KCNIP4: variants seen among roughly 807,000 people sequenced by gnomAD.
KCNIP4 encodes the protein potassium voltage-gated channel interacting protein 4, also known as Kv channel-interacting protein 4.
In KCNIP4, 12 loss-of-function variants were observed where a neutral mutation model predicts 34.0. The observed-to-expected ratio is 0.35, with a 90% CI of 0.23 to 0.57. KCNIP4 has a LOEUF of 0.57. KCNIP4 is among the 20% of genes least tolerant of loss of function. The pLI is 0.83. For missense variants in KCNIP4, 238 were observed against 311.7 expected (o/e 0.76, Z 1.78); for synonymous variants, 124 against 102.2 (o/e 1.21, Z -1.29).
intron 1 of KCNIP4, among the ~76,000 whole-genome samples, chr4:21,111,116 A>G (rs1749127305): frequency 6.6e-6 from 1 of 152,170 alleles, no homozygotes; most frequent in African/African-American, 2.4e-5. Context: ...GAAGTTTGAG[A>G]AATATTGAAT....
chr4:20,876,052 A>G (rs980110828), intron 2 of KCNIP4, among the ~76,000 whole-genome samples: 4 of 152,190 alleles, frequency 2.6e-5, no homozygotes, highest in Non-Finnish European at 5.9e-5. Flanking sequence ...CTGCTCAAAT[A>G]AAAAACAAAA....
At chr4:21,316,628 A>C (rs1020181022) in intron 1 of KCNIP4, 1 of 152,154 alleles carries the variant, frequency 6.6e-6, no homozygotes, top group Admixed American at 6.5e-5. Context: ...GGTTGGCACT[A>C]ATGTGTGAAG....
At chr4:20,926,094 A>G (rs897331869) in intron 1 of KCNIP4, among the ~76,000 whole-genome samples, 6 of 152,214 alleles carry the variant, frequency 3.9e-5, no homozygotes, top group African/African-American at 1.2e-4. Flanking sequence ...TTTTATACAC[A>G]GCAAATTACC....
chr4:21,118,024 C>G (rs1400947785), intron 1 of KCNIP4, among the ~76,000 whole-genome samples: 3 of 152,080 alleles, frequency 2.0e-5, no homozygotes, highest in Non-Finnish European at 2.9e-5. Context: ...AGTTAATAAC[C>G]TGGGGTGGGT....
At position 21,363,993 on chromosome 4, in the gene KCNIP4, G is replaced by A. The variant is rs961726886; in HGVS notation, c.62-481284C>T. On this transcript the variant is annotated intron_variant, in intron 1 of 8. Coordinates refer to ENST00000382152, the MANE Select transcript of KCNIP4 (RefSeq NM_025221.6). ...ATGAGTGTTTGGGTTTTGGTGGCTG[G>A]AAGGATGGAATGGAGCTAAGCTTAT... Among the ~76,000 whole-genome samples, 5 of 152,212 alleles carry A rather than the reference G, an allele frequency of 3.3e-5. No individual in the cohort carries two copies. In the East Asian group the frequency reaches 7.7e-4, roughly 24 times the overall value.
At chr4:20,783,893 T>A (rs1355056293) in intron 3 of KCNIP4, among the ~76,000 whole-genome samples, 1 of 152,174 alleles carries the variant, frequency 6.6e-6, no homozygotes, top group East Asian at 1.9e-4. Flanking sequence ...CAGCACTGTT[T>A]TTTGTTTGGT....
chr4:20,871,265 G>A (rs953504499), intron 2 of KCNIP4, among the ~76,000 whole-genome samples: 7 of 152,010 alleles, frequency 4.6e-5, no homozygotes, highest in Admixed American at 1.3e-4. Context: ...ATTGGACATC[G>A]GAGTGGCAAT....
chr4:21,411,594 C>T (rs762805993), intron 1 of KCNIP4, among the ~76,000 whole-genome samples: 41 of 152,120 alleles, frequency 2.7e-4, no homozygotes, highest in Admixed American at 2.1e-3. Flanking sequence ...ATGAGTGGAT[C>T]GCTGGAGCCC....
At chr4:20,931,372 C>T (rs57364318) in intron 1 of KCNIP4, among the ~76,000 whole-genome samples, 3,610 of 152,012 alleles carry the variant, frequency 0.024, 128 homozygotes, top group African/African-American at 0.074. Flanking sequence ...GGATATGTTC[C>T]GAAAAACGCA....
intron 1 of KCNIP4, among the ~76,000 whole-genome samples, chr4:21,513,750 T>C (rs1467732312): frequency 6.6e-6 from 1 of 152,208 alleles, no homozygotes. Context: ...CTTTCAACGT[T>C]GCTACTTTAT....
At chr4:20,823,461 C>A (rs1446112616) in intron 3 of KCNIP4, among the ~76,000 whole-genome samples, 1 of 151,986 alleles carries the variant, frequency 6.6e-6, no homozygotes, top group Non-Finnish European at 1.5e-5. Flanking sequence ...AAATTCTAAC[C>A]CCCAATGTGC....
At chr4:21,084,925 T>C (rs1156945954) in intron 1 of KCNIP4, among the ~76,000 whole-genome samples, 1 of 151,982 alleles carries the variant, frequency 6.6e-6, no homozygotes, top group African/African-American at 2.4e-5. Context: ...CTTCATGTCA[T>C]TCCACAGGAT....
At chr4:21,797,551 AG>A (rs1720705446) in intron 1 of KCNIP4, among the ~76,000 whole-genome samples, 1 of 152,186 alleles carries the variant, frequency 6.6e-6, no homozygotes, top group Non-Finnish European at 1.5e-5. Flanking sequence ...TCTTATAAAA[AG>A]GTCTCAATTT....
intron 1 of KCNIP4, among the ~76,000 whole-genome samples, chr4:21,708,126 G>T (rs1430307847): frequency 1.3e-5 from 2 of 151,996 alleles, no homozygotes; most frequent in Non-Finnish European, 2.9e-5. Context: ...CATTTTCTCA[G>T]CTATTAAACA....
chr4:21,521,934 A>T (rs77231604), intron 1 of KCNIP4, among the ~76,000 whole-genome samples: 3 of 151,938 alleles, frequency 2.0e-5, no homozygotes, highest in African/African-American at 7.3e-5. Context: ...AAAAAAAAAA[A>T]GCTCCATTTA....
intron 1 of KCNIP4, among the ~76,000 whole-genome samples, chr4:21,434,814 G>T (rs2109681074): frequency 6.6e-6 from 1 of 150,522 alleles, no homozygotes; most frequent in African/African-American, 2.4e-5. Flanking sequence ...GTCCCCGGTG[G>T]CGAAAAGGTT....
At chr4:21,769,066 A>T (rs1459314079) in intron 1 of KCNIP4, among the ~76,000 whole-genome samples, 1 of 152,048 alleles carries the variant, frequency 6.6e-6, no homozygotes, top group African/African-American at 2.4e-5. Flanking sequence ...CAAAATGGGA[A>T]GGCCTTTGAC....
intron 1 of KCNIP4, among the ~76,000 whole-genome samples, chr4:20,903,524 C>A (rs544213255): frequency 6.6e-6 from 1 of 152,234 alleles, no homozygotes; most frequent in African/African-American, 2.4e-5. Flanking sequence ...TTCTATTGAT[C>A]TCAGGTCTTT....
At position 21,865,863 on chromosome 4, in the gene KCNIP4, T is replaced by C. The variant is rs917715680; in HGVS notation, c.61+82708A>G. Among the ~76,000 whole-genome samples, 4 of 151,760 alleles carry C rather than the reference T, an allele frequency of 2.6e-5. No homozygotes were observed. The East Asian group carries it at 7.8e-4, about 30-fold the overall frequency. ...TAGGTGCCTGGCCAACAAATGAGAC[T>C]CCTTTAAAACAACTAGAAAGGTTTC... On this transcript the variant is annotated intron_variant, in intron 1 of 8. Transcript: ENST00000382152.
Sources: allele counts gnomAD v4.1 joint callset (sites outside exome capture counted in the v4.1 genomes callset), GRCh38; gene constraint gnomAD v4.1.1; transcripts MANE v1.5; gene names NCBI Gene and HGNC (gene_info 2026-07-23, HGNC 2026-07-21).